Variants in ROR2 observed in about 807,000 individuals in gnomAD.
The protein encoded by ROR2 is ROR family WNT receptor 2, also known as tyrosine-protein kinase transmembrane receptor ROR2.
Under a neutral mutation model 74.9 loss-of-function variants are expected in ROR2, and 33 were observed. The ratio of observed to expected loss-of-function variants is 0.44; its 90% CI spans 0.33 to 0.59. The LOEUF is 0.59. Ranked by LOEUF, ROR2 falls within the 20% of genes least tolerant of loss-of-function variation. The probability of loss-of-function intolerance (pLI) is 0.02; values close to 1 mark genes in which losing one functional copy is unlikely to be tolerated. For missense variants in ROR2, 1,216 were observed against 1,313.8 expected (o/e 0.93, Z 1.15); for synonymous variants, 586 against 558.7 (o/e 1.05, Z -0.69).
At chr9:91,862,830 G>T (rs140907842) in intron 1 of ROR2, among the ~76,000 whole-genome samples, 2 of 152,248 alleles carry the variant, frequency 1.3e-5, no homozygotes, top group East Asian at 3.9e-4. Context: ...CCCAGTCTAC[G>T]GTATTTTGTT....
intron 1 of ROR2, among the ~76,000 whole-genome samples, chr9:91,788,611 T>C (rs1217588434): frequency 6.6e-6 from 1 of 151,948 alleles, no homozygotes; most frequent in Non-Finnish European, 1.5e-5. Flanking sequence ...ACTCCTGTAA[T>C]CCCAGCACTT....
chr9:91,730,428 A>T (rs909053215), intron 7 of ROR2, among the ~76,000 whole-genome samples: 1 of 152,174 alleles, frequency 6.6e-6, no homozygotes, highest in African/African-American at 2.4e-5. Flanking sequence ...TAATGGTCAG[A>T]TGTTACTTTC....
chr9:91,816,807 G>A (rs1337390048), intron 1 of ROR2, among the ~76,000 whole-genome samples: 4 of 151,812 alleles, frequency 2.6e-5, no homozygotes, highest in Non-Finnish European at 5.9e-5. Context: ...GGGTATGGGA[G>A]AAGGGGGAAG....
At chr9:91,814,650 G>C (rs1199906026) in intron 1 of ROR2, among the ~76,000 whole-genome samples, 1 of 152,112 alleles carries the variant, frequency 6.6e-6, no homozygotes, top group African/African-American at 2.4e-5. Context: ...ACGTTTACAG[G>C]CTCCCTCATT....
intron 1 of ROR2, among the ~76,000 whole-genome samples, chr9:91,940,327 T>C (rs1240714559): frequency 2.0e-5 from 3 of 152,092 alleles, no homozygotes; most frequent in African/African-American, 7.2e-5. Flanking sequence ...CCGGGGGAAA[T>C]GAAACGAAAT....
intron 2 of ROR2, among the ~76,000 whole-genome samples, chr9:91,773,313 G>A (rs1008848834): frequency 7.9e-5 from 12 of 151,934 alleles, no homozygotes; most frequent in African/African-American, 1.2e-4. Context: ...CTCATCACTC[G>A]CCCCCTCCCC....
rs867190085 is a variant in ROR2, at chr9:91,824,849, T to C, written c.98-49031A>G. ...AACAGCCTGCCCTGGCAGGAGGGGGTGACGGGCAAGGCCTCTTGCCAGCTG... is the reference window on the plus strand; with the variant it reads ...AACAGCCTGCCCTGGCAGGAGGGGGCGACGGGCAAGGCCTCTTGCCAGCTG... On this transcript the variant is annotated intron_variant, in intron 1 of 8. Transcript: ENST00000375708. Among the ~76,000 whole-genome samples, 139 of 152,062 alleles carry C rather than the reference T, an allele frequency of 9.1e-4. 1 individual carries two copies. The highest frequency in any genetic ancestry group is 3.2e-3 in the African/African-American group (131 of 41,474).
At chr9:91,790,207 A>G (rs1826925255) in intron 1 of ROR2, among the ~76,000 whole-genome samples, 1 of 152,180 alleles carries the variant, frequency 6.6e-6, no homozygotes, top group Non-Finnish European at 1.5e-5. Context: ...CAGTCATATA[A>G]AAGTACAGCA....
intron 1 of ROR2, among the ~76,000 whole-genome samples, chr9:91,805,766 AAAG>A (rs1827527575): frequency 6.6e-6 from 1 of 152,166 alleles, no homozygotes. Flanking sequence ...GTGAATACAG[AAAG>A]AAGAAAGATG....
chr9:91,725,769 G>A (rs557013928), intron 8 of ROR2, among the ~76,000 whole-genome samples: 39 of 152,142 alleles, frequency 2.6e-4, no homozygotes, highest in Non-Finnish European at 4.9e-4. Context: ...AGCTCCTCCC[G>A]TGTGGCCAGC....
intron 1 of ROR2, among the ~76,000 whole-genome samples, chr9:91,792,707 G>T (rs1827042745): frequency 6.6e-6 from 1 of 152,118 alleles, no homozygotes; most frequent in Non-Finnish European, 1.5e-5. Context: ...GAAAGGCAGG[G>T]ATTACGTTGA....
At chr9:91,859,891 C>A (rs898686968) in intron 1 of ROR2, among the ~76,000 whole-genome samples, 1 of 152,160 alleles carries the variant, frequency 6.6e-6, no homozygotes, top group East Asian at 1.9e-4. Context: ...CTCCACCTGG[C>A]GGGACCATCA....
At chr9:91,795,894 C>G (rs886258345) in intron 1 of ROR2, among the ~76,000 whole-genome samples, 3 of 152,162 alleles carry the variant, frequency 2.0e-5, no homozygotes, top group Non-Finnish European at 4.4e-5. Context: ...CTAGGAAACA[C>G]GTGCACACTC....
intron 1 of ROR2, among the ~76,000 whole-genome samples, chr9:91,776,548 C>T (rs1312656044): frequency 6.6e-6 from 1 of 152,206 alleles, no homozygotes. Flanking sequence ...TTTTACTCTT[C>T]CTCAACAATA....
At chr9:91,914,334 G>A (rs1185041028) in intron 1 of ROR2, among the ~76,000 whole-genome samples, 2 of 152,150 alleles carry the variant, frequency 1.3e-5, no homozygotes, top group African/African-American at 4.8e-5. Flanking sequence ...TCGAACACTA[G>A]AATGAAACTA....
Position 91,935,509 on chromosome 9 carries a change from A to T in ROR2, c.97+14358T>A, listed in dbSNP as rs987991821. The stretch of plus-strand genomic sequence containing the variant: ...TTGCCTCCTACTTCAAAGGGCTTCC[A>T]GGTCCCGCATAAATCACACTTGCTG... On this transcript the variant is annotated intron_variant, in intron 1 of 8. Coordinates refer to ENST00000375708, the MANE Select transcript of ROR2 (RefSeq NM_004560.4). Among the ~76,000 whole-genome samples the T allele has an allele frequency of 2.0e-5, 3 of 152,240 alleles. No individual in the cohort carries two copies. The East Asian group carries it at 5.8e-4, about 29-fold the overall frequency.
chr9:91,918,429 A>T (rs1181997010), intron 1 of ROR2, among the ~76,000 whole-genome samples: 2 of 152,200 alleles, frequency 1.3e-5, no homozygotes. Flanking sequence ...ACTTTCCGAC[A>T]GTTTAAAAGA....
At chr9:91,911,585 T>C (rs1830983347) in intron 1 of ROR2, among the ~76,000 whole-genome samples, 1 of 152,062 alleles carries the variant, frequency 6.6e-6, no homozygotes, top group African/African-American at 2.4e-5. Flanking sequence ...GACCAAAGAA[T>C]TCCAATTAGT....
intron 1 of ROR2, among the ~76,000 whole-genome samples, chr9:91,899,533 G>A (rs1830620003): frequency 6.6e-6 from 1 of 152,136 alleles, no homozygotes; most frequent in African/African-American, 2.4e-5. Flanking sequence ...AGATACACCT[G>A]GGGAAAAAGG....
Sources: gnomAD v4.1 joint callset for allele counts (sites outside exome capture counted in the v4.1 genomes callset) on GRCh38, gnomAD v4.1.1 for gene constraint, MANE v1.5 for transcripts, NCBI Gene and HGNC (gene_info 2026-07-23, HGNC 2026-07-21) for gene names.